The following THSD7B variants were observed in gnomAD, a reference collection of about 807,000 sequenced individuals.
THSD7B encodes thrombospondin type 1 domain containing 7B.
A neutral mutation model predicts 213.6 loss-of-function variants in THSD7B; 138 were observed. The observed-to-expected ratio is 0.65, with a 90% CI of 0.56 to 0.74. The LOEUF (loss-of-function observed/expected upper bound fraction) is 0.74. THSD7B is among the 30% of genes least tolerant of loss of function. The pLI is 0.00. For missense variants in THSD7B, 1,931 were observed against 1,991.5 expected (o/e 0.97, Z 0.58); for synonymous variants, 742 against 687.0 (o/e 1.08, Z -1.25).
chr2:137,547,226 T>G (rs1680758609), intron 15 of THSD7B, among the ~76,000 whole-genome samples: 1 of 152,034 alleles, frequency 6.6e-6, no homozygotes. Flanking sequence ...GTGCCATCCT[T>G]GGTTATAAAA....
chr2:137,467,093 G>A (rs1341639901), intron 15 of THSD7B, among the ~76,000 whole-genome samples: 1 of 152,108 alleles, frequency 6.6e-6, no homozygotes, highest in Non-Finnish European at 1.5e-5. Context: ...ATGTCCATTC[G>A]TGAACTACTC....
chr2:137,495,871 C>A lies in THSD7B; in HGVS notation c.3138+44848C>A, dbSNP rs181335938. Reference sequence around the variant, plus strand: ...TCTGCCAAAACTAGCAATCAAAACTCCAGTTCTACCCCCCTGGCAAGCCCG... The same window carrying A: ...TCTGCCAAAACTAGCAATCAAAACTACAGTTCTACCCCCCTGGCAAGCCCG... On this transcript the variant is annotated intron_variant, in intron 15 of 27. Transcript: ENST00000409968. Among the ~76,000 whole-genome samples the A allele has an allele frequency of 3.2e-4, 49 of 152,246 alleles. No homozygotes were observed. In the East Asian group the frequency reaches 9.1e-3, roughly 28 times the overall value.
intron 2 of THSD7B, among the ~76,000 whole-genome samples, chr2:136,947,793 A>G (rs1266385769): frequency 6.6e-6 from 1 of 152,046 alleles, no homozygotes; most frequent in Non-Finnish European, 1.5e-5. Flanking sequence ...TTGCCTCTGC[A>G]TTTAATGATT....
At chr2:137,097,349 C>A (rs1688058585) in intron 4 of THSD7B, among the ~76,000 whole-genome samples, 1 of 152,128 alleles carries the variant, frequency 6.6e-6, no homozygotes, top group Admixed American at 6.5e-5. Context: ...CAAGTACCTA[C>A]TGTTGGCCAA....
Position 137,411,800 on chromosome 2 carries a change from C to G in THSD7B, c.2887C>G (p.Leu963Val), listed in dbSNP as rs775722377. 2 of 1,613,944 alleles carry G rather than the reference C, an allele frequency of 1.2e-6. No homozygotes were observed. The highest frequency in any genetic ancestry group is 8.5e-7 in the Non-Finnish European group (1 of 1,179,882). Residue 963 changes from leucine to valine, a missense_variant, in exon 14 of 28, where the codon CTG becomes GTG. Coordinates refer to ENST00000409968, the MANE Select transcript of THSD7B (RefSeq NM_001316349.2). ...AGACAGCAAAGAATGTGGAGAAGGC[C>G]TGCGCTTTCGAGCAGTAGCCTGTTC... Reference protein sequence around the residue: ...QADSKECGEGLRFRAVACSDK... With the variant: ...QADSKECGEGVRFRAVACSDK...
chr2:136,899,435 A>G (rs982890690), intron 2 of THSD7B, among the ~76,000 whole-genome samples: 9 of 152,216 alleles, frequency 5.9e-5, no homozygotes, highest in Non-Finnish European at 1.5e-5. Context: ...TTCTGGGAAC[A>G]TGTGTCCAAT....
At chr2:137,031,362 A>C (rs62170966) in intron 2 of THSD7B, among the ~76,000 whole-genome samples, 10,792 of 151,676 alleles carry the variant, frequency 0.071, 481 homozygotes, top group Middle Eastern at 0.11. Flanking sequence ...ATGAATAAAT[A>C]CATAAATAAA....
intron 3 of THSD7B, among the ~76,000 whole-genome samples, chr2:137,070,831 C>T (rs1051264255): frequency 7.2e-5 from 11 of 151,748 alleles, no homozygotes; most frequent in Admixed American, 1.3e-4. Context: ...TTTGTCCTTG[C>T]GATAGTTTGC....
chr2:136,946,451 G>A (rs1684939479), intron 2 of THSD7B, among the ~76,000 whole-genome samples: 1 of 152,318 alleles, frequency 6.6e-6, no homozygotes, highest in Admixed American at 6.5e-5. Flanking sequence ...GGACCCACTT[G>A]AGGAGGCGGT....
At chr2:136,780,506 T>C (rs1015842834) in intron 1 of THSD7B, among the ~76,000 whole-genome samples, 1 of 152,192 alleles carries the variant, frequency 6.6e-6, no homozygotes, top group African/African-American at 2.4e-5. Context: ...ATCTCTGTCC[T>C]CCCATCTCGT....
intron 14 of THSD7B, among the ~76,000 whole-genome samples, chr2:137,431,917 T>C (rs888569891): frequency 6.6e-6 from 1 of 152,062 alleles, no homozygotes; most frequent in African/African-American, 2.4e-5. Flanking sequence ...CTAAGAAATA[T>C]TTTTATTTGA....
intron 2 of THSD7B, among the ~76,000 whole-genome samples, chr2:137,001,294 A>G (rs1328769001): frequency 6.6e-6 from 1 of 152,146 alleles, no homozygotes; most frequent in East Asian, 1.9e-4. Flanking sequence ...TCTATGTATA[A>G]TGAAGAAACT....
intron 17 of THSD7B, among the ~76,000 whole-genome samples, chr2:137,604,692 C>T (rs1369281040): frequency 2.0e-5 from 3 of 152,142 alleles, no homozygotes; most frequent in East Asian, 1.9e-4. Context: ...GCATAGTGAT[C>T]TCTTGTTGAG....
chr2:137,517,934 T>G (rs552280987), intron 15 of THSD7B, among the ~76,000 whole-genome samples: 2 of 152,332 alleles, frequency 1.3e-5, no homozygotes, highest in African/African-American at 4.8e-5. Flanking sequence ...CAAGTCACCA[T>G]GCAACCTGAA....
chr2:136,983,493 G>A (rs1257119912), intron 2 of THSD7B, among the ~76,000 whole-genome samples: 1 of 132,358 alleles, frequency 7.6e-6, no homozygotes, highest in East Asian at 2.8e-4. Context: ...CTAGAACCCA[G>A]TAAAATCTGT....
At chr2:137,672,027 G>C (rs1255491189) in intron 27 of THSD7B, among the ~76,000 whole-genome samples, 2 of 151,990 alleles carry the variant, frequency 1.3e-5, no homozygotes, top group African/African-American at 4.8e-5. Context: ...CAAACTCCAG[G>C]GAGTTTGGGT....
chr2:136,943,639 TTTC>T (rs1288939738), intron 2 of THSD7B, among the ~76,000 whole-genome samples: 1 of 152,214 alleles, frequency 6.6e-6, no homozygotes, highest in African/African-American at 2.4e-5. Flanking sequence ...AATTCATCCA[TTTC>T]TTCTAGATTT....
At chr2:137,401,634 C>CTTTT (rs35834967) in intron 12 of THSD7B, among the ~76,000 whole-genome samples, 134 of 132,518 alleles carry the variant, frequency 1.0e-3, no homozygotes, top group East Asian at 1.5e-3. Context: ...TTCTTTCTTT[C>CTTTT]TTTTTTTTTT....
At chr2:137,239,790 C>T (rs1440257773) in intron 9 of THSD7B, among the ~76,000 whole-genome samples, 3 of 152,136 alleles carry the variant, frequency 2.0e-5, no homozygotes, top group African/African-American at 7.2e-5. Context: ...ACAAAAATAG[C>T]ATAGACTGGT....
Sources: gnomAD v4.1 joint callset for allele counts (sites outside exome capture counted in the v4.1 genomes callset) on GRCh38, gnomAD v4.1.1 for gene constraint, MANE v1.5 for transcripts, NCBI Gene and HGNC (gene_info 2026-07-23, HGNC 2026-07-21) for gene names.